ITSN1: variants seen among roughly 807,000 people sequenced by gnomAD.
ITSN1 encodes the protein intersectin 1.
ITSN1 carries 58 observed loss-of-function variants against 239.8 expected under a neutral mutation model. That is an observed-to-expected ratio of 0.24 (90% CI 0.20 to 0.30). ITSN1 has a LOEUF of 0.30. Among genes scored for constraint, ITSN1 ranks in the 10% least tolerant of loss-of-function variants. The probability of loss-of-function intolerance (pLI) is 1.00; values close to 1 mark genes in which losing one functional copy is unlikely to be tolerated. For synonymous variants in ITSN1, 780 were observed against 770.8 expected (o/e 1.01, Z -0.20); for missense variants, 1,558 against 2,103.3 (o/e 0.74, Z 5.07).
rs1340709479 is a variant in ITSN1, at chr21:33,829,491, T to C, written c.3230-133T>C. 3.3e-6 allele frequency: 3 copies of C among 918,414 alleles called. No homozygotes were observed. In the East Asian group the frequency reaches 7.5e-5, roughly 23 times the overall value. 56.9% of individuals were successfully genotyped at this position (918,414 alleles called of 1,614,324 possible). The stretch of plus-strand genomic sequence containing the variant: ...CGGGCGATTCAGGGAGCCTTACTCG[T>C]TGGGTAGAAATCCAGCTCAATACAT... On this transcript the variant is annotated intron_variant, in intron 26 of 39. Coordinates refer to ENST00000381318, the MANE Select transcript of ITSN1 (RefSeq NM_003024.3).
intron 12 of ITSN1, 34 bp downstream of exon 12, chr21:33,772,357 G>C (rs1243813230): frequency 6.5e-7 from 1 of 1,547,690 alleles, no homozygotes; most frequent in East Asian, 2.4e-5. Context: ...CCCGGAGTTA[G>C]TGTGCGATCA....
rs191902725 is a variant in ITSN1 at position 33,731,378 on chromosome 21, T to C, written c.186-3666T>C. On this transcript the variant is annotated intron_variant, in intron 4 of 39. Transcript: ENST00000381318. ...GTGTGCATGTTGATGTTGATTTTTA[T>C]TAATGGGAACTCTTCCCCACCAAAC... Among the ~76,000 whole-genome samples, 957 of 152,334 alleles carry C rather than the reference T, an allele frequency of 6.3e-3. 8 individuals are homozygous for C. Among genetic ancestry groups the C allele is most frequent in the Non-Finnish European group, 9.6e-3 (653 of 68,040 alleles).
At chr21:33,751,026 G>A (rs941827698) in intron 6 of ITSN1, among the ~76,000 whole-genome samples, 1 of 152,080 alleles carries the variant, frequency 6.6e-6, no homozygotes. Context: ...AAACATTTCT[G>A]CGCCTTTGGC....
chr21:33,770,476 A>G (rs954573311), intron 11 of ITSN1, among the ~76,000 whole-genome samples: 2 of 152,224 alleles, frequency 1.3e-5, no homozygotes, highest in South Asian at 2.1e-4. Context: ...GTTCCTAACA[A>G]TGACATTTAG....
At chr21:33,769,648 C>T (rs2068975400) in intron 11 of ITSN1, among the ~76,000 whole-genome samples, 1 of 151,598 alleles carries the variant, frequency 6.6e-6, no homozygotes, top group Non-Finnish European at 1.5e-5. Context: ...TTTGTGCATG[C>T]AGAGGGAGAC....
intron 5 of ITSN1, among the ~76,000 whole-genome samples, chr21:33,739,244 G>A (rs1477486703): frequency 6.6e-6 from 1 of 152,174 alleles, no homozygotes; most frequent in Non-Finnish European, 1.5e-5. Flanking sequence ...CCTGAAAATA[G>A]AATTTTCTAT....
chr21:33,846,496 T>C (rs577427848), intron 29 of ITSN1, among the ~76,000 whole-genome samples: 1 of 152,354 alleles, frequency 6.6e-6, no homozygotes, highest in African/African-American at 2.4e-5. Context: ...ACAACACTAA[T>C]GAACAGCGAT....
intron 25 of ITSN1, among the ~76,000 whole-genome samples, 183 bp downstream of exon 25, chr21:33,823,836 C>G (rs977329112): frequency 1.3e-5 from 2 of 152,108 alleles, no homozygotes; most frequent in African/African-American, 2.4e-5. Context: ...CACTGGCTTC[C>G]CCCAAGCAGA....
chr21:33,812,981 A>G (rs752468099), intron 21 of ITSN1, among the ~76,000 whole-genome samples: 2 of 151,964 alleles, frequency 1.3e-5, no homozygotes, highest in Non-Finnish European at 2.9e-5. Flanking sequence ...GGTGGCATGT[A>G]GCTTTTTTTT....
chr21:33,837,285 C>T (rs1486729789), intron 29 of ITSN1: 46 of 1,200,936 alleles, frequency 3.8e-5, no homozygotes, highest in Middle Eastern at 6.6e-4. Context: ...ATTGACTTTC[C>T]CCCACCTTTG....
chr21:33,865,329 G>A lies in ITSN1; in HGVS notation c.4069G>A (p.Val1357Ile), dbSNP rs185389697. The A allele has an allele frequency of 1.9e-5, 29 of 1,559,132 alleles. No individual in the cohort carries two copies. The Admixed American group carries it at 2.5e-4, about 14-fold the overall frequency. ...TDEAPDFKEF[V>I]KRLAMDPRCK... ...TGAGGCCCCAGACTTCAAGGAGTTC[G>A]TCAAAGTAAGGAGCCAGGCTGTGCA... Residue 1357 changes from valine to isoleucine, a missense_variant, in exon 32 of 40, where the codon GTC becomes ATC. By Grantham distance (29) the Val-to-Ile change is conservative. Around this residue, in one of 2 missense-constraint regions of ITSN1, gnomAD observed 576 missense variants for 893.3 expected, o/e 0.64. Transcript: ENST00000381318. This position sits in a 1 kb window ranked among gnomAD's most constrained non-coding sequence, Gnocchi z 4.4.
At chr21:33,878,622 G>A (rs772960222) in intron 34 of ITSN1, among the ~76,000 whole-genome samples, 2 of 152,142 alleles carry the variant, frequency 1.3e-5, no homozygotes, top group Non-Finnish European at 2.9e-5. Flanking sequence ...GTTCCTCCAC[G>A]GCCCCATCTC....
chr21:33,709,573 C>T (rs895040657), intron 1 of ITSN1, among the ~76,000 whole-genome samples: 5 of 152,276 alleles, frequency 3.3e-5, no homozygotes, highest in East Asian at 1.9e-4. Context: ...TGAGGCACCG[C>T]GCCCAGCCTG....
intron 1 of ITSN1, among the ~76,000 whole-genome samples, chr21:33,646,917 T>A (rs1207668667): frequency 1.3e-5 from 2 of 151,708 alleles, no homozygotes; most frequent in Non-Finnish European, 2.9e-5. Context: ...ACCCAGGAGA[T>A]CAAGGCTGCA....
intron 1 of ITSN1, among the ~76,000 whole-genome samples, chr21:33,666,263 T>C (rs1328049222): frequency 6.6e-6 from 1 of 152,156 alleles, no homozygotes; most frequent in East Asian, 1.9e-4. Context: ...ATACCCAGAA[T>C]AGGCAAATCT....
chr21:33,886,873 G>A (rs544593835), intron 39 of ITSN1, among the ~76,000 whole-genome samples: 34 of 152,318 alleles, frequency 2.2e-4, no homozygotes, highest in Non-Finnish European at 4.0e-4. Context: ...CCCTTTGGGT[G>A]GCATTTTTGT....
intron 36 of ITSN1, among the ~76,000 whole-genome samples, 158 bp downstream of exon 36, chr21:33,883,829 C>T (rs1985336166): frequency 6.6e-6 from 1 of 150,930 alleles, no homozygotes; most frequent in South Asian, 2.1e-4. Flanking sequence ...TCTACAGCCT[C>T]TCAAAAATCT....
chr21:33,886,511 G>A, intron 39 of ITSN1, 51 bp downstream of exon 39: 1 of 1,463,322 alleles, frequency 6.8e-7, no homozygotes, highest in Non-Finnish European at 9.2e-7. Flanking sequence ...GCACTCGTTT[G>A]CGTGGGTTAA....
At chr21:33,734,160 T>C (rs1471342603) in intron 4 of ITSN1, among the ~76,000 whole-genome samples, 4 of 152,132 alleles carry the variant, frequency 2.6e-5, no homozygotes, top group Non-Finnish European at 4.4e-5. Flanking sequence ...AGAAATAAAA[T>C]CTGAATAAAA....
Sources: allele counts gnomAD v4.1 joint callset (sites outside exome capture counted in the v4.1 genomes callset), GRCh38; gene constraint gnomAD v4.1.1; regional missense constraint gnomAD v4.1.1; non-coding constraint Gnocchi (gnomAD v3.1); transcripts MANE v1.5; gene names NCBI Gene and HGNC (gene_info 2026-07-23, HGNC 2026-07-21).